Variants in ASIC2 observed in about 807,000 individuals in gnomAD.
ASIC2 encodes acid-sensing ion channel 2.
Under a neutral mutation model 57.3 loss-of-function variants are expected in ASIC2, and 25 were observed. The observed-to-expected ratio is 0.44, with a 90% CI of 0.32 to 0.61. The LOEUF (loss-of-function observed/expected upper bound fraction) is 0.61. Ranked by LOEUF, ASIC2 falls within the 20% of genes least tolerant of loss-of-function variation. The probability of loss-of-function intolerance (pLI) is 0.06; values close to 1 mark genes in which losing one functional copy is unlikely to be tolerated. For missense variants in ASIC2, 641 were observed against 738.1 expected, an observed-to-expected ratio of 0.87 and a Z score of 1.52; for synonymous variants, 319 against 307.5, an observed-to-expected ratio of 1.04 and a Z score of -0.39.
chr17:33,099,154 G>A (rs1288952510), intron 2 of ASIC2, among the ~76,000 whole-genome samples: 5 of 151,634 alleles, frequency 3.3e-5, no homozygotes, highest in East Asian at 1.9e-4. Context: ...CACCATGCCC[G>A]GCTAGGTTTT....
rs149648483 is a variant in ASIC2 at position 33,180,198 on chromosome 17, T to G, written c.709-68131A>C. Among the ~76,000 whole-genome samples the G allele has an allele frequency of 1.2e-4, 19 of 152,326 alleles. No individual in the cohort carries two copies. The East Asian group carries it at 3.7e-3, about 29-fold the overall frequency. On this transcript the variant is annotated intron_variant, in intron 1 of 9. Transcript: ENST00000225823. ...AGGACTTGGCCAACAATGGTTCTAT[T>G]TACGTCCACCTTTTAGAAATGTACC...
intron 1 of ASIC2, among the ~76,000 whole-genome samples, chr17:33,680,234 T>C (rs1475122764): frequency 6.6e-6 from 1 of 152,074 alleles, no homozygotes; most frequent in Non-Finnish European, 1.5e-5. Context: ...GTGACTGTCA[T>C]GATGTCCCCC....
chr17:33,253,334 C>A (rs1364359949), intron 1 of ASIC2, among the ~76,000 whole-genome samples: 1 of 152,130 alleles, frequency 6.6e-6, no homozygotes, highest in Non-Finnish European at 1.5e-5. Context: ...AGATTTTAGT[C>A]ATGAGTGTAC....
intron 1 of ASIC2, among the ~76,000 whole-genome samples, chr17:33,134,604 TG>T (rs2092360454): frequency 1.3e-5 from 2 of 152,278 alleles, no homozygotes; most frequent in African/African-American, 4.8e-5. Context: ...CCCAGCTTGC[TG>T]AAGCTCATCC....
chr17:33,948,469 A>G (rs1468371400), intron 1 of ASIC2, among the ~76,000 whole-genome samples: 1 of 152,230 alleles, frequency 6.6e-6, no homozygotes, highest in Non-Finnish European at 1.5e-5. Flanking sequence ...AAGGTCACCT[A>G]ATCCTCCAGA....
intron 1 of ASIC2, among the ~76,000 whole-genome samples, chr17:33,839,111 A>G (rs1449949348): frequency 6.6e-6 from 1 of 152,228 alleles, no homozygotes; most frequent in East Asian, 1.9e-4. Context: ...AGAAGGAGCC[A>G]TCTGACTAAC....
At chr17:33,536,778 A>G (rs1455458792) in intron 1 of ASIC2, among the ~76,000 whole-genome samples, 1 of 152,192 alleles carries the variant, frequency 6.6e-6, no homozygotes, top group Non-Finnish European at 1.5e-5. Context: ...AGGCCTAGGC[A>G]GGTGGATTAC....
intron 1 of ASIC2, among the ~76,000 whole-genome samples, chr17:34,021,461 G>A (rs557513949): frequency 2.6e-4 from 39 of 152,252 alleles, no homozygotes; most frequent in African/African-American, 9.4e-4. Flanking sequence ...ATTCTCATCA[G>A]TTCCTTTTCC....
intron 1 of ASIC2, among the ~76,000 whole-genome samples, chr17:33,446,047 CT>C (rs747684183): frequency 6.6e-6 from 1 of 151,850 alleles, no homozygotes; most frequent in Non-Finnish European, 1.5e-5. Context: ...TCCATAGGGA[CT>C]TTTTTCCTTG....
At chr17:33,158,735 T>C (rs1444014278) in intron 1 of ASIC2, among the ~76,000 whole-genome samples, 5 of 152,270 alleles carry the variant, frequency 3.3e-5, no homozygotes, top group Non-Finnish European at 2.9e-5. Context: ...CTGTTCCACC[T>C]TTGTAAAATG....
chr17:33,528,906 A>T (rs1639741411), intron 1 of ASIC2, among the ~76,000 whole-genome samples: 1 of 152,214 alleles, frequency 6.6e-6, no homozygotes, highest in Admixed American at 6.5e-5. Context: ...AGCCCTGGGG[A>T]TGTCTCTTCT....
chr17:33,999,968 TTGTC>T (rs1906281507), intron 1 of ASIC2, among the ~76,000 whole-genome samples: 1 of 152,144 alleles, frequency 6.6e-6, no homozygotes, highest in African/African-American at 2.4e-5. Flanking sequence ...CAGATTTTGT[TTGTC>T]TGTGGAAGTC....
At chr17:34,127,345 T>C (rs953848204) in intron 1 of ASIC2, among the ~76,000 whole-genome samples, 27 of 152,190 alleles carry the variant, frequency 1.8e-4, no homozygotes, top group Non-Finnish European at 7.3e-5. Flanking sequence ...CTTAGCTTCA[T>C]TCTGAACTCT....
intron 1 of ASIC2, among the ~76,000 whole-genome samples, chr17:33,942,338 C>T (rs1194154249): frequency 1.2e-4 from 19 of 152,216 alleles, no homozygotes; most frequent in Non-Finnish European, 1.5e-5. Context: ...GGGATGTGCC[C>T]TCTATCCTAG....
intron 1 of ASIC2, among the ~76,000 whole-genome samples, chr17:34,013,674 G>A (rs1206277393): frequency 6.6e-6 from 1 of 152,186 alleles, no homozygotes; most frequent in Non-Finnish European, 1.5e-5. Flanking sequence ...AGGAAACTGG[G>A]GCTCTGAGAG....
At chr17:33,595,943 TCC>T (rs962028362) in intron 1 of ASIC2, among the ~76,000 whole-genome samples, 1 of 152,134 alleles carries the variant, frequency 6.6e-6, no homozygotes, top group African/African-American at 2.4e-5. Flanking sequence ...AAATAGTTCC[TCC>T]CCCTCAGTAG....
chr17:33,319,580 G>T (rs1252969096), intron 1 of ASIC2, among the ~76,000 whole-genome samples: 1 of 152,200 alleles, frequency 6.6e-6, no homozygotes, highest in Non-Finnish European at 1.5e-5. Context: ...GCCATACAAT[G>T]TGTAATAATT....
chr17:33,554,733 A>G (rs1915852222), intron 1 of ASIC2, among the ~76,000 whole-genome samples: 1 of 152,144 alleles, frequency 6.6e-6, no homozygotes, highest in Non-Finnish European at 1.5e-5. Context: ...GAGGGTACAT[A>G]CAGTCCTCAC....
chr17:33,708,087 G>A lies in ASIC2; in HGVS notation c.555+447891C>T, dbSNP rs542849506. Among the ~76,000 whole-genome samples, 4 of 152,330 alleles carry A rather than the reference G, an allele frequency of 2.6e-5. No homozygotes were observed. In the East Asian group the frequency reaches 5.8e-4, roughly 22 times the overall value. On this transcript the variant is annotated intron_variant, in intron 1 of 9. Coordinates refer to the ASIC2 transcript ENST00000359872. ...CTCCAGTCTCCTGCTAGATAGGGGA[G>A]GGAGAGCTGTCTGGTTGCCTAAGGT...
Sources: allele counts gnomAD v4.1 joint callset (sites outside exome capture counted in the v4.1 genomes callset), GRCh38; gene constraint gnomAD v4.1.1; transcripts MANE v1.5; gene names NCBI Gene and HGNC (gene_info 2026-07-23, HGNC 2026-07-21).